Variants in ANK2 observed in about 807,000 individuals in gnomAD.
ANK2 encodes ankyrin 2, also known as ankyrin-2.
In ANK2, 83 loss-of-function variants were observed where a neutral mutation model predicts 360.5. The observed-to-expected ratio is 0.23, with a 90% CI of 0.19 to 0.28. ANK2 has a LOEUF of 0.28. Ranked by LOEUF, ANK2 falls within the 10% of genes least tolerant of loss-of-function variation. The pLI, the probability that ANK2 is intolerant of heterozygous loss-of-function variation, is 1.00. For missense variants in ANK2, 4,201 were observed against 4,795.7 expected (o/e 0.88, Z 3.66); for synonymous variants, 1,740 against 1,759.5 (o/e 0.99, Z 0.28).
chr4:112,919,827 G>C (rs1012912795), intron 2 of ANK2, among the ~76,000 whole-genome samples: 5 of 152,042 alleles, frequency 3.3e-5, no homozygotes, highest in African/African-American at 1.2e-4. Flanking sequence ...AATGAAAATG[G>C]AACATCTTAA....
intron 1 of ANK2, among the ~76,000 whole-genome samples, chr4:113,133,934 A>C (rs1478492335): frequency 6.6e-6 from 1 of 152,172 alleles, no homozygotes; most frequent in Non-Finnish European, 1.5e-5. Context: ...TTACACAAAA[A>C]TATTTCTAAC....
chr4:113,301,069 C>G (rs538060332), intron 22 of ANK2, among the ~76,000 whole-genome samples: 1 of 152,260 alleles, frequency 6.6e-6, no homozygotes, highest in South Asian at 2.1e-4. Flanking sequence ...TATCTAACAT[C>G]TAGGTCAAAG....
intron 31 of ANK2, 52 bp downstream of exon 31, chr4:113,336,833 A>G (rs746072491): frequency 1.3e-6 from 2 of 1,528,692 alleles, no homozygotes; most frequent in South Asian, 2.2e-5. Context: ...AGAAACTTAG[A>G]TCGTTGTAAA....
In ANK2 at chr4:112,947,935, C is replaced by G. The variant is rs1218388147; in HGVS notation, c.21+43421C>G. On this transcript the variant is annotated intron_variant, in intron 2 of 30. Transcript: ENST00000503271. ...GAACAGATTTTGGCAAATAGGAGAA[C>G]CTTAAGATATTCATTAACCTATGAC... Among the ~76,000 whole-genome samples the G allele has an allele frequency of 2.0e-5, 3 of 152,096 alleles. 1 individual carries two copies. The highest frequency in any genetic ancestry group is 7.2e-5 in the African/African-American group (3 of 41,418).
chr4:113,095,426 G>T (rs757951518), intron 1 of ANK2, among the ~76,000 whole-genome samples: 7 of 152,072 alleles, frequency 4.6e-5, no homozygotes, highest in Non-Finnish European at 8.8e-5. Context: ...CATAAAATGC[G>T]TTTTTGATTT....
intron 4 of ANK2, among the ~76,000 whole-genome samples, chr4:113,202,960 T>C (rs943670218): frequency 6.6e-6 from 1 of 152,202 alleles, no homozygotes; most frequent in Admixed American, 6.5e-5. Flanking sequence ...TTGGTGTGAT[T>C]TTAAGTATTG....
chr4:113,231,573 G>A lies in ANK2; in HGVS notation c.385-588G>A, dbSNP rs149280749. On this transcript the variant is annotated intron_variant, in intron 4 of 45. Coordinates refer to ENST00000357077, the MANE Select transcript of ANK2 (RefSeq NM_001148.6). Reference sequence around the variant, plus strand: ...ATTCCATATGTTATGAACTTATACAGATACTGAGATACCAAATATGCTAAA... The same window carrying A: ...ATTCCATATGTTATGAACTTATACAAATACTGAGATACCAAATATGCTAAA... Among the ~76,000 whole-genome samples, 498 of 151,764 alleles carry A rather than the reference G, an allele frequency of 3.3e-3. 3 individuals carry two copies. The highest frequency in any genetic ancestry group is 0.011 in the African/African-American group (473 of 41,410).
intron 1 of ANK2, among the ~76,000 whole-genome samples, chr4:112,890,555 G>GTTTTT (rs1383564163): frequency 2.9e-5 from 3 of 104,602 alleles, no homozygotes; most frequent in African/African-American, 3.8e-5. Flanking sequence ...ACATTTCTGT[G>GTTTTT]GTTTTTTTTT....
At chr4:113,230,122 C>A (rs2099274047) in intron 4 of ANK2, among the ~76,000 whole-genome samples, 1 of 152,004 alleles carries the variant, frequency 6.6e-6, no homozygotes, top group Non-Finnish European at 1.5e-5. Flanking sequence ...ATATGCTATC[C>A]AGCTAGCAAG....
intron 1 of ANK2, among the ~76,000 whole-genome samples, chr4:112,856,552 AC>A (rs1226555178): frequency 9.2e-5 from 14 of 152,022 alleles, no homozygotes. Flanking sequence ...ATATGGTGAA[AC>A]CCCATCTCTA....
intron 1 of ANK2, among the ~76,000 whole-genome samples, chr4:113,126,951 A>C (rs544859862): frequency 1.3e-5 from 2 of 152,296 alleles, no homozygotes; most frequent in Admixed American, 1.3e-4. Flanking sequence ...CCTTCACATG[A>C]GGGCCTTCTG....
chr4:113,311,385 A>G lies in ANK2; in HGVS notation c.2679A>G (p.Gly893=), dbSNP rs766183219. The change falls in exon 24 of 46, where the codon GGA becomes GGG. Residue 893 remains glycine (G), a synonymous_variant. Coordinates refer to ENST00000357077, the MANE Select transcript of ANK2 (RefSeq NM_001148.6). ...ATTACCTGCGATACAGCTTGGAGGG[A>G]GGACGATCTGACAGGTATCTCATAA... is the stretch of plus-strand genomic sequence containing the variant. ...GMNYLRYSLE[G]GRSDSLRSFS... 8.7e-6 allele frequency: 14 copies of G among 1,614,020 alleles called. No homozygotes were observed. The African/African-American group carries it at 1.9e-4, about 22-fold the overall frequency.
chr4:113,314,388 C>T (rs2081673502), intron 24 of ANK2, among the ~76,000 whole-genome samples: 1 of 152,146 alleles, frequency 6.6e-6, no homozygotes, highest in Non-Finnish European at 1.5e-5. Context: ...TAAAATTACA[C>T]TTTCATACCA....
intron 23 of ANK2, among the ~76,000 whole-genome samples, chr4:113,305,388 A>AATGAGATAAGT (rs2076853309): frequency 6.6e-6 from 1 of 151,392 alleles, no homozygotes; most frequent in Non-Finnish European, 1.5e-5. Context: ...TATTGCATTA[A>AATGAGATAAGT]ATGAGATAAG....
chr4:112,974,140 C>T (rs1403506135), intron 2 of ANK2, among the ~76,000 whole-genome samples: 1 of 152,106 alleles, frequency 6.6e-6, no homozygotes, highest in Non-Finnish European at 1.5e-5. Context: ...AAATTGGGTG[C>T]AGTGGGTAGT....
intron 1 of ANK2, among the ~76,000 whole-genome samples, chr4:112,828,097 C>T (rs1304449696): frequency 6.6e-6 from 1 of 152,006 alleles, no homozygotes; most frequent in Non-Finnish European, 1.5e-5. Flanking sequence ...ACAAAGCCTA[C>T]AAAAATAAGC....
chr4:113,105,481 G>T (rs183295472), intron 1 of ANK2, among the ~76,000 whole-genome samples: 192 of 152,236 alleles, frequency 1.3e-3, no homozygotes, highest in East Asian at 2.9e-3. Flanking sequence ...ACGATAGAAA[G>T]ATGGGATTTT....
At chr4:113,352,439 C>T (rs759836672) in intron 37 of ANK2, among the ~76,000 whole-genome samples, 7 of 152,050 alleles carry the variant, frequency 4.6e-5, no homozygotes, top group African/African-American at 9.7e-5. Context: ...GATGAAATGC[C>T]GGTTTGCAGC....
chr4:113,336,551 T>A (rs911954489), intron 30 of ANK2, 26 bp from the exon 31 acceptor site: 1 of 1,574,590 alleles, frequency 6.4e-7, no homozygotes. Context: ...CACAAATATA[T>A]ATGTGTGTGT....
Sources: allele counts gnomAD v4.1 joint callset (sites outside exome capture counted in the v4.1 genomes callset), GRCh38; gene constraint gnomAD v4.1.1; transcripts MANE v1.5; gene names NCBI Gene and HGNC (gene_info 2026-07-23, HGNC 2026-07-21).